Variants in MPC2 observed in about 807,000 individuals in gnomAD.
MPC2 encodes the protein mitochondrial pyruvate carrier 2.
MPC2 carries 19 observed loss-of-function variants against 19.2 expected under a neutral mutation model. That is an observed-to-expected ratio of 0.99 (90% CI 0.69 to 1.45). The LOEUF is 1.45. Among genes scored for constraint, MPC2 ranks in the 40% most tolerant of loss-of-function variants. The pLI is 0.00. For missense variants in MPC2, 122 were observed against 153.0 expected (o/e 0.80, Z 1.07); for synonymous variants, 61 against 54.3 (o/e 1.12, Z -0.54).
intron 1 of MPC2, 112 bp downstream of exon 1, chr1:167,936,827 G>A (rs1273770481): frequency 3.3e-5 from 41 of 1,241,030 alleles, no homozygotes; most frequent in Non-Finnish European, 4.6e-5. Context: ...TGCCGGTGCG[G>A]CTCGGGTGTT....
chr1:167,932,413 T>C (rs1443726088), intron 2 of MPC2, among the ~76,000 whole-genome samples: 1 of 152,232 alleles, frequency 6.6e-6, no homozygotes, highest in Non-Finnish European at 1.5e-5. Flanking sequence ...TGTTTCATTG[T>C]GTGCACCCCT....
intron 1 of MPC2, chr1:167,936,624 T>G (rs1671252468): frequency 5.5e-6 from 2 of 363,682 alleles, no homozygotes; most frequent in Admixed American, 4.7e-5. Context: ...CGCCATCGCC[T>G]CCGCCTCCGC....
At chr1:167,935,698 A>G in intron 2 of MPC2, 35 bp downstream of exon 2, 1 of 1,517,412 alleles carries the variant, frequency 6.6e-7, no homozygotes, top group South Asian at 1.2e-5. Flanking sequence ...AGCGAGAAGG[A>G]AGGTCTCGAT....
At chr1:167,925,185 G>C (rs1172146239) in intron 2 of MPC2, among the ~76,000 whole-genome samples, 21 of 151,704 alleles carry the variant, frequency 1.4e-4, no homozygotes, top group Admixed American at 1.4e-3. Context: ...TTAATTCAAT[G>C]TCATTTTAAA....
intron 2 of MPC2, among the ~76,000 whole-genome samples, chr1:167,930,577 G>T (rs556915248): frequency 6.6e-6 from 1 of 152,278 alleles, no homozygotes; most frequent in Admixed American, 6.5e-5. Context: ...CCAAATTATA[G>T]ATTATTAGCT....
intron 2 of MPC2, 39 bp downstream of exon 2, chr1:167,935,691 GAGA>G (rs766738676): frequency 1.2e-4 from 181 of 1,509,562 alleles, no homozygotes; most frequent in Admixed American, 7.1e-4. Flanking sequence ...TAGAGGAAGC[GAGA>G]AGGAAGGTCT....
At chr1:167,936,866 CT>C in intron 1 of MPC2, 72 bp downstream of exon 1, 2 of 1,486,340 alleles carry the variant, frequency 1.3e-6, no homozygotes, top group Non-Finnish European at 1.8e-6. Context: ...CCCTCCTCCC[CT>C]CCCCCACGCG....
intron 3 of MPC2, among the ~76,000 whole-genome samples, chr1:167,922,145 G>A (rs1215289218): frequency 1.3e-5 from 2 of 152,164 alleles, no homozygotes; most frequent in South Asian, 2.1e-4. Flanking sequence ...TATAAGGTAA[G>A]TATCTAATAG....
At chr1:167,932,716 G>A (rs1157259037) in intron 2 of MPC2, among the ~76,000 whole-genome samples, 1 of 151,096 alleles carries the variant, frequency 6.6e-6, no homozygotes, top group East Asian at 1.9e-4. Context: ...GGCTGAGGCA[G>A]GAGAATCGCT....
In MPC2 at chr1:167,916,767, A is replaced by G. The variant is rs1185739702; in HGVS notation, c.*1556T>C. On this transcript the variant is annotated 3_prime_UTR_variant, in exon 6 of 6. Transcript: ENST00000271373. ...TAATAAACTTTTTTGTGTCTATGTC[A>G]TATTTCATAATGTTTTTCCTAAATG... 6.6e-6 allele frequency: 1 copy of G among 152,148 alleles called. No homozygotes were observed. Among genetic ancestry groups the G allele is most frequent in the East Asian group, 1.9e-4 (1 of 5,204 alleles). 9.4% of individuals were successfully genotyped at this position (152,148 alleles called of 1,614,324 possible). A position where few individuals can be genotyped will look rare whatever the true frequency, so the allele number is the denominator to read the frequency against.
Position 167,925,520 on chromosome 1 carries a change from G to GT in MPC2, c.110-984dup, listed in dbSNP as rs1445044047. Among the ~76,000 whole-genome samples the GT allele has an allele frequency of 5.3e-3, 380 of 71,786 alleles. 2 individuals are homozygous for GT. Among genetic ancestry groups the GT allele is most frequent in the African/African-American group, 0.016 (290 of 17,854 alleles). 47.1% of individuals were successfully genotyped at this position (71,786 alleles called of 152,430 possible). A position where few individuals can be genotyped will look rare whatever the true frequency, so the allele number is the denominator to read the frequency against. ...ATATATATATACACATACAAACAAC[G>GT]TTTTTTTTTTTTGGTTTTTTTTTTG... On this transcript the variant is annotated intron_variant, in intron 2 of 5. Coordinates refer to ENST00000271373, the MANE Select transcript of MPC2 (RefSeq NM_001143674.4).
chr1:167,921,573 C>T (rs1670601812), intron 3 of MPC2, among the ~76,000 whole-genome samples: 1 of 152,136 alleles, frequency 6.6e-6, no homozygotes, highest in African/African-American at 2.4e-5. Context: ...GGCCATTTCT[C>T]TTCTGTGTTT....
At position 167,936,999 on chromosome 1, in the gene MPC2, C is replaced by A. The variant is rs758545042; in HGVS notation, c.-118G>T. 27 of 1,609,368 alleles carry A rather than the reference C, an allele frequency of 1.7e-5. No individual in the cohort carries two copies. Among genetic ancestry groups the A allele is most frequent in the Non-Finnish European group, 2.2e-5 (26 of 1,178,602 alleles). On this transcript the variant is annotated 5_prime_UTR_variant, in exon 1 of 6. Transcript: ENST00000271373. ...GGAGGACCCGTCCCGGCTGCGGAGT[C>A]GCTACCTGGGTGAGCGGGGGCCCCG...
At chr1:167,923,144 CAA>C (rs1390573329) in intron 3 of MPC2, among the ~76,000 whole-genome samples, 1 of 151,986 alleles carries the variant, frequency 6.6e-6, no homozygotes, top group Non-Finnish European at 1.5e-5. Flanking sequence ...CTGAGGAAAA[CAA>C]AAAATATTAA....
At chr1:167,933,293 AAG>A (rs756983542) in intron 2 of MPC2, among the ~76,000 whole-genome samples, 30 of 150,906 alleles carry the variant, frequency 2.0e-4, no homozygotes, top group Non-Finnish European at 3.1e-4. Flanking sequence ...TCAGCCTCCC[AAG>A]TAGCTGAGAT....
chr1:167,924,404 T>C (rs762858522), intron 3 of MPC2, 93 bp downstream of exon 3: 55 of 1,056,474 alleles, frequency 5.2e-5, no homozygotes, highest in Non-Finnish European at 6.8e-5. Context: ...AAGAATACTC[T>C]AAAGTATATC....
At position 167,936,919 on chromosome 1, in the gene MPC2, G is replaced by A. The variant is rs1194912159; in HGVS notation, c.-58+20C>T. The A allele has an allele frequency of 6.2e-7, 1 of 1,604,288 alleles. No individual in the cohort carries two copies. On this transcript the variant is annotated intron_variant, in intron 1 of 5. Coordinates refer to ENST00000271373, the MANE Select transcript of MPC2 (RefSeq NM_001143674.4). Reference sequence around the variant, plus strand: ...CCCGGCTCAGGCAGAGCCATGTCTCGGGGTGGCTCCTACCCACACCTGTTG... The same window carrying A: ...CCCGGCTCAGGCAGAGCCATGTCTCAGGGTGGCTCCTACCCACACCTGTTG...
chr1:167,929,219 G>C (rs1016278347), intron 2 of MPC2, among the ~76,000 whole-genome samples: 1 of 152,080 alleles, frequency 6.6e-6, no homozygotes, highest in Non-Finnish European at 1.5e-5. Context: ...TTAGCCGGGC[G>C]TGGTGGTGCA....
chr1:167,918,228 C>A lies in MPC2; in HGVS notation c.*95G>T, dbSNP rs1390825215. 3.0e-6 allele frequency: 3 copies of A among 1,013,160 alleles called. No homozygotes were observed. In the African/African-American group the frequency reaches 4.9e-5, roughly 17 times the overall value. The allele number at this position is 1,013,160 out of a possible 1,614,324, so 62.8% of individuals were successfully genotyped here. A position where few individuals can be genotyped will look rare whatever the true frequency, so the allele number is the denominator to read the frequency against. Reference sequence around the variant, plus strand: ...GCTACCAGTTACAGTGCCTTCTAAACACACAGTTAGCTTTGCTTTATCAAT... The same window carrying A: ...GCTACCAGTTACAGTGCCTTCTAAAAACACAGTTAGCTTTGCTTTATCAAT... On this transcript the variant is annotated 3_prime_UTR_variant, in exon 6 of 6. Coordinates refer to ENST00000271373, the MANE Select transcript of MPC2 (RefSeq NM_001143674.4).
Sources: allele counts gnomAD v4.1 joint callset (sites outside exome capture counted in the v4.1 genomes callset), GRCh38; gene constraint gnomAD v4.1.1; transcripts MANE v1.5; gene names NCBI Gene and HGNC (gene_info 2026-07-23, HGNC 2026-07-21).